The following ATP8A1 variants were observed in gnomAD, a reference collection of about 807,000 sequenced individuals.
The protein encoded by ATP8A1 is ATPase phospholipid transporting 8A1, also known as phospholipid-transporting ATPase IA.
ATP8A1 carries 90 observed loss-of-function variants against 177.7 expected under a neutral mutation model. The observed-to-expected ratio is 0.51, with a 90% CI of 0.43 to 0.60. The LOEUF (loss-of-function observed/expected upper bound fraction) is 0.60, where lower values mean the gene tolerates loss of function less well. Among genes scored for constraint, ATP8A1 ranks in the 20% least tolerant of loss-of-function variants. The pLI, the probability that ATP8A1 is intolerant of heterozygous loss-of-function variation, is 0.00. For synonymous variants in ATP8A1, 493 were observed against 485.9 expected (o/e 1.01, Z -0.19); for missense variants, 1,072 against 1,392.8 (o/e 0.77, Z 3.67).
chr4:42,459,437 C>A, intron 27 of ATP8A1: 1 of 243,540 alleles, frequency 4.1e-6, no homozygotes, highest in South Asian at 4.0e-5. Context: ...TTTTTATAAG[C>A]AGATTTATTG....
At chr4:42,580,325 T>TTAGA (rs201499937) in intron 10 of ATP8A1, among the ~76,000 whole-genome samples, 30 of 152,318 alleles carry the variant, frequency 2.0e-4, no homozygotes, top group African/African-American at 5.8e-4. Context: ...AAACATTTAG[T>TTAGA]GTTTCCGTTC....
chr4:42,585,412 T>C (rs1080247), intron 9 of ATP8A1, among the ~76,000 whole-genome samples: 31,272 of 150,206 alleles, frequency 0.21, 3,317 homozygotes, highest in African/African-American at 0.22. Flanking sequence ...AAAATTCACA[T>C]GTTGAAACTG....
chr4:42,608,343 C>T (rs933939434), intron 5 of ATP8A1, among the ~76,000 whole-genome samples: 2 of 149,328 alleles, frequency 1.3e-5, no homozygotes, highest in African/African-American at 4.9e-5. Context: ...ACCGGGGTGC[C>T]CTCCCCGGGC....
At position 42,441,992 on chromosome 4, in the gene ATP8A1, A is replaced by G. The variant is rs58606543; in HGVS notation, c.3123+1573T>C. 9.6e-3 allele frequency among the ~76,000 whole-genome samples: 1,469 copies of G among 152,236 alleles called. 26 individuals carry two copies. The highest frequency in any genetic ancestry group is 0.034 in the African/African-American group (1,396 of 41,538). On this transcript the variant is annotated intron_variant, in intron 33 of 36. Transcript: ENST00000381668. ...ACAGCATCACCATGAGTCTCAAGAG[A>G]CGATATTAAGTTTTGTGTTTGGGTA... is the stretch of plus-strand genomic sequence containing the variant.
chr4:42,522,991 GA>G (rs1726298797), intron 21 of ATP8A1, among the ~76,000 whole-genome samples: 4 of 123,574 alleles, frequency 3.2e-5, no homozygotes, highest in Admixed American at 9.3e-5. Flanking sequence ...TACAAAGGAA[GA>G]GAGACCCTGG....
chr4:42,489,163 A>C (rs1391606911), intron 24 of ATP8A1, among the ~76,000 whole-genome samples: 9 of 152,278 alleles, frequency 5.9e-5, no homozygotes, highest in Admixed American at 5.2e-4. Context: ...ATTTTCTTTT[A>C]AGCTATTGCC....
chr4:42,602,488 G>GA (rs1305270468), intron 5 of ATP8A1, among the ~76,000 whole-genome samples: 1 of 152,230 alleles, frequency 6.6e-6, no homozygotes, highest in Non-Finnish European at 1.5e-5. Context: ...TGAGGGCTGG[G>GA]AGCAGTAGCT....
chr4:42,501,149 G>C (rs945192689), intron 24 of ATP8A1, among the ~76,000 whole-genome samples: 3 of 152,112 alleles, frequency 2.0e-5, no homozygotes, highest in African/African-American at 7.2e-5. Flanking sequence ...ATGTGAAAGA[G>C]AACCTACAGT....
chr4:42,641,349 T>C (rs1174625799), intron 1 of ATP8A1, among the ~76,000 whole-genome samples: 5 of 152,168 alleles, frequency 3.3e-5, no homozygotes, highest in Non-Finnish European at 1.5e-5. Flanking sequence ...ATCTGAGGTG[T>C]CTGAGAATGG....
chr4:42,495,602 T>C (rs138089233), intron 24 of ATP8A1, among the ~76,000 whole-genome samples: 1 of 116,606 alleles, frequency 8.6e-6, no homozygotes, highest in Non-Finnish European at 1.9e-5. Context: ...TTTTAAAAAA[T>C]TGTATTTATT....
intron 22 of ATP8A1, among the ~76,000 whole-genome samples, chr4:42,520,762 T>C (rs1159939624): frequency 6.6e-6 from 1 of 152,164 alleles, no homozygotes; most frequent in Non-Finnish European, 1.5e-5. Context: ...TCTAGATATA[T>C]CTACATATCT....
chr4:42,445,745 C>G (rs1285890408), intron 31 of ATP8A1, among the ~76,000 whole-genome samples: 1 of 152,088 alleles, frequency 6.6e-6, no homozygotes, highest in Non-Finnish European at 1.5e-5. Flanking sequence ...ATAAAACTTA[C>G]TAAATGCAAA....
Position 42,524,993 on chromosome 4 carries a change from T to C in ATP8A1, c.1723-146A>G, listed in dbSNP as rs1726537802. ...TTTTAAAGAACAAGATATTTTTGTC[T>C]AATAATACTATTTTGCTAGTGACAT... is the stretch of plus-strand genomic sequence containing the variant. On this transcript the variant is annotated intron_variant, in intron 20 of 36. Transcript: ENST00000381668. The C allele has an allele frequency of 9.6e-6, 5 of 520,352 alleles. No homozygotes were observed. In the South Asian group the frequency reaches 1.4e-4, roughly 15 times the overall value. 32.2% of individuals were successfully genotyped at this position (520,352 alleles called of 1,614,324 possible). A position where few individuals can be genotyped will look rare whatever the true frequency, so the allele number is the denominator to read the frequency against.
At chr4:42,527,173 G>C (rs952921003) in intron 20 of ATP8A1, among the ~76,000 whole-genome samples, 1 of 152,302 alleles carries the variant, frequency 6.6e-6, no homozygotes, top group African/African-American at 2.4e-5. Context: ...AGACTGCCCT[G>C]AGTGAGAGTC....
At chr4:42,623,499 G>C (rs1251021906) in intron 4 of ATP8A1, among the ~76,000 whole-genome samples, 3 of 152,114 alleles carry the variant, frequency 2.0e-5, no homozygotes, top group African/African-American at 7.2e-5. Context: ...ATACACCACG[G>C]AATACTATGC....
At chr4:42,474,986 A>T (rs183992312) in intron 25 of ATP8A1, among the ~76,000 whole-genome samples, 3 of 152,228 alleles carry the variant, frequency 2.0e-5, no homozygotes, top group Non-Finnish European at 4.4e-5. Context: ...AACAATTATA[A>T]TAACAATATA....
chr4:42,431,712 G>A (rs2153170811), intron 33 of ATP8A1, among the ~76,000 whole-genome samples: 1 of 152,220 alleles, frequency 6.6e-6, no homozygotes, highest in African/African-American at 2.4e-5. Flanking sequence ...GAAACATCCT[G>A]GTAGCATAAC....
intron 6 of ATP8A1, among the ~76,000 whole-genome samples, chr4:42,598,209 T>G (rs1351723797): frequency 1.4e-4 from 21 of 152,158 alleles, no homozygotes; most frequent in Admixed American, 1.3e-3. Flanking sequence ...AGTTGACATT[T>G]ATTTTAGCAT....
At chr4:42,624,726 T>C (rs905493034) in intron 3 of ATP8A1, 92 bp from the exon 4 acceptor site, 3 of 593,982 alleles carry the variant, frequency 5.1e-6, no homozygotes, top group African/African-American at 1.9e-5. Context: ...TTCTAAAATA[T>C]GCCTCACTGA....
Sources: gnomAD v4.1 joint callset for allele counts (sites outside exome capture counted in the v4.1 genomes callset) on GRCh38, gnomAD v4.1.1 for gene constraint, MANE v1.5 for transcripts, NCBI Gene and HGNC (gene_info 2026-07-23, HGNC 2026-07-21) for gene names.